ELAVL2: variants seen among roughly 807,000 people sequenced by gnomAD.
The protein encoded by ELAVL2 is ELAV-like protein 2.
In ELAVL2, 4 loss-of-function variants were observed where a neutral mutation model predicts 34.6. That is an observed-to-expected ratio of 0.12 (90% CI 0.06 to 0.26). The LOEUF is 0.26. Ranked by LOEUF, ELAVL2 falls within the 10% of genes least tolerant of loss-of-function variation. The pLI is 1.00. For missense variants in ELAVL2, 432 were observed against 442.8 expected, an observed-to-expected ratio of 0.98 and a Z score of 0.22; for synonymous variants, 193 against 154.8, an observed-to-expected ratio of 1.25 and a Z score of -1.83.
chr9:23,779,994 A>T (rs1362441691), intron 1 of ELAVL2, among the ~76,000 whole-genome samples: 3 of 11,028 alleles, frequency 2.7e-4, no homozygotes, highest in African/African-American at 1.7e-3. Flanking sequence ...AAAAAAAAAA[A>T]AAAAAAAAAA....
intron 5 of ELAVL2, among the ~76,000 whole-genome samples, chr9:23,696,869 G>C (rs1046544652): frequency 4.6e-5 from 7 of 151,816 alleles, no homozygotes; most frequent in African/African-American, 1.7e-4. Context: ...GGATGATAAC[G>C]TAGTACATAT....
At chr9:23,824,224 T>C (rs1017372407) in intron 1 of ELAVL2, among the ~76,000 whole-genome samples, 4 of 152,220 alleles carry the variant, frequency 2.6e-5, no homozygotes, top group Non-Finnish European at 5.9e-5. Flanking sequence ...GGGGAACTTA[T>C]CCAACCTCCA....
the ELAVL2 span, among the ~76,000 whole-genome samples, chr9:23,835,993 A>T: frequency 2.6e-5 from 4 of 152,198 alleles, no homozygotes; most frequent in Non-Finnish European, 5.9e-5. Context: ...AAGTGTAATT[A>T]GCACCAAGAA....
intron 1 of ELAVL2, among the ~76,000 whole-genome samples, chr9:23,769,362 CGA>C (rs1180010667): frequency 1.3e-5 from 2 of 152,064 alleles, no homozygotes; most frequent in Non-Finnish European, 2.9e-5. Flanking sequence ...ATCATCTGCC[CGA>C]CACACACCAT....
chr9:23,742,962 T>G (rs1323931769), intron 2 of ELAVL2, among the ~76,000 whole-genome samples: 3 of 152,128 alleles, frequency 2.0e-5, no homozygotes, highest in Non-Finnish European at 2.9e-5. Flanking sequence ...GGGGTATAAA[T>G]GCTGAGTATA....
At chr9:23,755,746 C>A (rs1325367224) in intron 2 of ELAVL2, among the ~76,000 whole-genome samples, 14 of 152,144 alleles carry the variant, frequency 9.2e-5, no homozygotes, top group Admixed American at 9.2e-4. Flanking sequence ...AGAACACACA[C>A]AACCTTTCTG....
chr9:23,831,556 G>A, the ELAVL2 span: 6 of 152,266 alleles, frequency 3.9e-5, no homozygotes, highest in Admixed American at 2.6e-4. Context: ...CTGCAGAGAT[G>A]GAGATGGCTT....
At chr9:23,743,653 T>G (rs576714500) in intron 2 of ELAVL2, among the ~76,000 whole-genome samples, 54 of 152,294 alleles carry the variant, frequency 3.5e-4, no homozygotes, top group African/African-American at 1.2e-3. Flanking sequence ...ATCTTTCCTA[T>G]GAAACAGGAA....
the ELAVL2 span, among the ~76,000 whole-genome samples, chr9:23,833,146 A>C: frequency 4.0e-5 from 6 of 151,888 alleles, no homozygotes; most frequent in African/African-American, 1.4e-4. Flanking sequence ...ATGGTTATGT[A>C]AGCTAACTTT....
chr9:23,722,632 T>A (rs936452847), intron 3 of ELAVL2, among the ~76,000 whole-genome samples: 1 of 152,176 alleles, frequency 6.6e-6, no homozygotes, highest in Non-Finnish European at 1.5e-5. Context: ...CAGTTTAACA[T>A]CAATAATGTG....
chr9:23,800,821 G>A (rs2137623565), intron 1 of ELAVL2, among the ~76,000 whole-genome samples: 1 of 152,282 alleles, frequency 6.6e-6, no homozygotes, highest in African/African-American at 2.4e-5. Context: ...ATCTTCATCT[G>A]ATACGGGTGC....
chr9:23,765,125 G>A (rs575344303), intron 1 of ELAVL2: 17 of 1,570,652 alleles, frequency 1.1e-5, no homozygotes, highest in Non-Finnish European at 1.4e-5. Context: ...AAAAAGTACC[G>A]TATGTTAGAT....
At chr9:23,745,355 T>C (rs1421369054) in intron 2 of ELAVL2, among the ~76,000 whole-genome samples, 1 of 152,044 alleles carries the variant, frequency 6.6e-6, no homozygotes, top group East Asian at 1.9e-4. Flanking sequence ...AACCTGGTAT[T>C]ATCTTGGCCA....
intron 1 of ELAVL2, among the ~76,000 whole-genome samples, chr9:23,822,926 C>T (rs1050433422): frequency 1.3e-5 from 2 of 152,108 alleles, no homozygotes; most frequent in Admixed American, 6.5e-5. Context: ...ACGGGCGGAG[C>T]GGGGTTGGGG....
intron 1 of ELAVL2, among the ~76,000 whole-genome samples, chr9:23,775,547 TC>T (rs2058052274): frequency 6.6e-6 from 1 of 152,128 alleles, no homozygotes; most frequent in Non-Finnish European, 1.5e-5. Context: ...TGCCCCTTTC[TC>T]CAATCCTTCC....
chr9:23,849,442 G>A, the ELAVL2 span: 1 of 152,200 alleles, frequency 6.6e-6, no homozygotes, highest in East Asian at 1.9e-4. Context: ...AGGAAGAATG[G>A]TCTAACTGCA....
intron 1 of ELAVL2, among the ~76,000 whole-genome samples, chr9:23,815,611 C>T (rs1397839909): frequency 6.6e-6 from 1 of 152,112 alleles, no homozygotes; most frequent in Non-Finnish European, 1.5e-5. Context: ...CTTCAATATG[C>T]TCATCTTTAC....
intron 3 of ELAVL2, among the ~76,000 whole-genome samples, chr9:23,718,578 A>G (rs781122693): frequency 6.6e-6 from 1 of 152,226 alleles, no homozygotes; most frequent in Non-Finnish European, 1.5e-5. Flanking sequence ...CACGTATGAT[A>G]AAGGAGAAAG....
intron 1 of ELAVL2, among the ~76,000 whole-genome samples, chr9:23,823,965 G>A (rs1375023409): frequency 1.3e-5 from 2 of 152,192 alleles, no homozygotes; most frequent in African/African-American, 2.4e-5. Flanking sequence ...TGCGGAGAAC[G>A]GCTGAAGGTT....
Sources: gnomAD v4.1 joint callset for allele counts (sites outside exome capture counted in the v4.1 genomes callset) on GRCh38, gnomAD v4.1.1 for gene constraint, MANE v1.5 for transcripts, NCBI Gene and HGNC (gene_info 2026-07-23, HGNC 2026-07-21) for gene names.